ERCC6: variants seen among roughly 807,000 people sequenced by gnomAD.
ERCC6 encodes DNA excision repair protein ERCC-6.
ERCC6 carries 116 observed loss-of-function variants against 158.7 expected under a neutral mutation model. That is an observed-to-expected ratio of 0.73 (90% CI 0.63 to 0.85). The LOEUF (loss-of-function observed/expected upper bound fraction) is 0.85, where lower values mean the gene tolerates loss of function less well. Among genes scored for constraint, ERCC6 ranks in the 40% least tolerant of loss-of-function variants. The probability of loss-of-function intolerance (pLI) is 0.00; values close to 1 mark genes in which losing one functional copy is unlikely to be tolerated. For synonymous variants in ERCC6, 678 were observed against 659.3 expected (o/e 1.03, Z -0.43); for missense variants, 1,698 against 1,799.4 (o/e 0.94, Z 1.02).
Position 49,515,233 on chromosome 10 carries a change from T to C in ERCC6, c.1397+8800A>G. ...AAAAAAAATTTATTATGTTCCATTG[T>C]TATGTGACGTTCCAAAATTGGAACA... is the stretch of plus-strand genomic sequence containing the variant. On this transcript the variant is annotated intron_variant, in intron 5 of 20. Transcript: ENST00000355832. The C allele has an allele frequency of 2.1e-6, 3 of 1,447,476 alleles. No individual in the cohort carries two copies. The East Asian group carries it at 7.2e-5, about 35-fold the overall frequency. 89.7% of individuals were successfully genotyped at this position (1,447,476 alleles called of 1,614,324 possible). A position where few individuals can be genotyped will look rare whatever the true frequency, so the allele number is the denominator to read the frequency against.
intron 5 of ERCC6, among the ~76,000 whole-genome samples, chr10:49,520,097 T>C (rs532530772): frequency 3.3e-5 from 5 of 152,304 alleles, no homozygotes; most frequent in East Asian, 3.9e-4. Context: ...GAAACTGATA[T>C]ACAAACTGCA....
In ERCC6 at chr10:49,473,605, A is replaced by G. The variant is rs371934189; in HGVS notation, c.2599-18T>C. 2.7e-6 allele frequency: 4 copies of G among 1,461,536 alleles called. No homozygotes were observed. The highest frequency in any genetic ancestry group is 2.9e-6 in the Non-Finnish European group (3 of 1,040,790). The allele number at this position is 1,461,536 out of a possible 1,614,324, so 90.5% of individuals were successfully genotyped here. A position where few individuals can be genotyped will look rare whatever the true frequency, so the allele number is the denominator to read the frequency against. On this transcript the variant is annotated intron_variant, in intron 13 of 20. Coordinates refer to ENST00000355832, the MANE Select transcript of ERCC6 (RefSeq NM_000124.4). ...TCCAGCATCTGTTTGGAGGTGGGGG[A>G]TAGGAGTTTGCAAAGCAAATACACA...
intron 5 of ERCC6, among the ~76,000 whole-genome samples, chr10:49,521,668 G>A (rs1837167187): frequency 6.6e-6 from 1 of 152,224 alleles, no homozygotes; most frequent in Admixed American, 6.5e-5. Flanking sequence ...AACCCACTGA[G>A]GAGTCAGCCT....
At chr10:49,489,016 C>A (rs867692760) in intron 8 of ERCC6, among the ~76,000 whole-genome samples, 4 of 152,240 alleles carry the variant, frequency 2.6e-5, no homozygotes, top group Middle Eastern at 3.4e-3. Context: ...ATCTTCTGAC[C>A]TCATGATCCG....
intron 9 of ERCC6, 131 bp downstream of exon 9, chr10:49,483,215 G>C: frequency 1.0e-6 from 1 of 970,942 alleles, no homozygotes. Context: ...TAAGGAAAAT[G>C]CACATTTTAA....
the ERCC6 span, among the ~76,000 whole-genome samples, chr10:49,437,308 C>T: frequency 3.9e-5 from 6 of 152,150 alleles, no homozygotes; most frequent in South Asian, 2.1e-4. Flanking sequence ...AGCATGAAAA[C>T]GGACTAATAT....
At chr10:49,512,055 A>AT (rs1158847114) in intron 5 of ERCC6, among the ~76,000 whole-genome samples, 9 of 152,226 alleles carry the variant, frequency 5.9e-5, no homozygotes, top group African/African-American at 1.9e-4. Context: ...ACACAAAAAG[A>AT]TTGAGAAATT....
At chr10:49,507,262 T>C (rs1368589816) in intron 5 of ERCC6, among the ~76,000 whole-genome samples, 1 of 152,108 alleles carries the variant, frequency 6.6e-6, no homozygotes. Context: ...TAGCTGAAAT[T>C]TACTTGTGAT....
chr10:49,535,722 A>T (rs914844476), intron 1 of ERCC6, among the ~76,000 whole-genome samples: 2 of 152,266 alleles, frequency 1.3e-5, no homozygotes, highest in African/African-American at 4.8e-5. Flanking sequence ...GTTAAAAATA[A>T]AGAAGTTTGG....
chr10:49,519,185 C>T (rs961306777), intron 5 of ERCC6, among the ~76,000 whole-genome samples: 32 of 152,266 alleles, frequency 2.1e-4, no homozygotes, highest in African/African-American at 7.5e-4. Context: ...TGGCACCACC[C>T]TGTGGTCATA....
downstream of ERCC6, among the ~76,000 whole-genome samples, chr10:49,452,921 T>C (rs532156471): frequency 6.6e-6 from 1 of 152,278 alleles, no homozygotes; most frequent in South Asian, 2.1e-4. Context: ...TATTTCTTTT[T>C]GTATCCTTTT....
chr10:49,494,968 C>T (rs1851239449), intron 7 of ERCC6, among the ~76,000 whole-genome samples: 1 of 152,126 alleles, frequency 6.6e-6, no homozygotes, highest in Non-Finnish European at 1.5e-5. Flanking sequence ...ATGTTTAACC[C>T]AATTTGAGGC....
At chr10:49,534,132 T>TAA (rs1837536616) in intron 1 of ERCC6, among the ~76,000 whole-genome samples, 1 of 20,142 alleles carries the variant, frequency 5.0e-5, no homozygotes, top group Non-Finnish European at 9.5e-5. Context: ...AGACTCAATC[T>TAA]CAAAAAAAAA....
At position 49,524,390 on chromosome 10, in the gene ERCC6, C is replaced by T. The variant is rs1837258406; in HGVS notation, c.1040G>A (p.Gly347Glu). The T allele has an allele frequency of 6.8e-6, 11 of 1,614,100 alleles. No homozygotes were observed. The highest frequency in any genetic ancestry group is 1.3e-5 in the African/African-American group (1 of 74,922). ...KRALQFQGKV[G>E]LPKARRPWES... ...CCAAGGTCTCCTTGCCTTTGGCAAT[C>T]CCACTTTCCCCTGGAACTGCAAAGC... Residue 347 changes from glycine (G) to glutamate (E), a missense_variant, in exon 5 of 21, where the codon GGA (glycine) becomes GAA (glutamate). By Grantham distance (98) the Gly-to-Glu change is moderately conservative. Transcript: ENST00000355832.
At chr10:49,509,264 A>G (rs111918245) in intron 5 of ERCC6, among the ~76,000 whole-genome samples, 67 of 152,340 alleles carry the variant, frequency 4.4e-4, no homozygotes, top group African/African-American at 1.5e-3. Flanking sequence ...TTAATAAACT[A>G]CTATAGTATT....
chr10:49,494,493 T>C (rs1456262664), intron 7 of ERCC6, among the ~76,000 whole-genome samples: 2 of 152,190 alleles, frequency 1.3e-5, no homozygotes, highest in African/African-American at 2.4e-5. Context: ...GAAAAACTGG[T>C]TGTGGCCATT....
Position 49,460,446 on chromosome 10 carries a change from C to A in ERCC6, c.3989G>T (p.Arg1330Ile). 1.2e-6 allele frequency: 2 copies of A among 1,610,336 alleles called. No individual in the cohort carries two copies. The highest frequency in any genetic ancestry group is 1.1e-5 in the South Asian group (1 of 91,000). The change falls in exon 20 of 21, where the codon AGA (arginine) becomes ATA (isoleucine). Residue 1330 changes from arginine (R) to isoleucine (I), a missense_variant. Coordinates refer to ENST00000355832, the MANE Select transcript of ERCC6 (RefSeq NM_000124.4). ...GTTAGAATTCCTTTTCTTACCAAAT[C>A]TACTCCTAAAAAAGGAAAAGCATCA... ...ISGAPAGKKS[R>I]FGKKRNSNFS... is the part of the protein sequence containing the mutation.
chr10:49,470,272 G>A lies in ERCC6; in HGVS notation c.3688C>T (p.Arg1230Cys), dbSNP rs755377100. 9.9e-6 allele frequency: 16 copies of A among 1,613,912 alleles called. No homozygotes were observed. Among genetic ancestry groups the A allele is most frequent in the Admixed American group, 3.3e-5 (2 of 59,990 alleles). The change falls in exon 18 of 21, where the codon CGT becomes TGT. Residue 1230 changes from arginine (R) to cysteine (C), a missense_variant. Coordinates refer to ENST00000355832, the MANE Select transcript of ERCC6 (RefSeq NM_000124.4). ...TRIPHLVKKR[R>C]YQKQDSENKS... ...TTTTCACTGTCTTGCTTCTGGTAAC[G>A]CCTTTTCTTCACCAGGTGTGGAATT...
intron 5 of ERCC6, among the ~76,000 whole-genome samples, chr10:49,508,407 C>G (rs1027063351): frequency 6.6e-6 from 1 of 152,150 alleles, no homozygotes; most frequent in Non-Finnish European, 1.5e-5. Context: ...TCCTCCCTCC[C>G]TCCTAAAATA....
Sources: gnomAD v4.1 joint callset for allele counts (sites outside exome capture counted in the v4.1 genomes callset) on GRCh38, gnomAD v4.1.1 for gene constraint, MANE v1.5 for transcripts, NCBI Gene and HGNC (gene_info 2026-07-23, HGNC 2026-07-21) for gene names.